Variants in CDH20 observed in about 807,000 individuals in gnomAD.
CDH20 encodes cadherin 20, also known as cadherin-20.
Under a neutral mutation model 74.2 loss-of-function variants are expected in CDH20, and 29 were observed. The ratio of observed to expected loss-of-function variants is 0.39; its 90% CI spans 0.29 to 0.53. CDH20 has a LOEUF of 0.53. CDH20 is among the 20% of genes least tolerant of loss of function. The pLI is 0.69. For synonymous variants in CDH20, 469 were observed against 405.4 expected, an observed-to-expected ratio of 1.16 and a Z score of -1.88; for missense variants, 988 against 1,048.3, an observed-to-expected ratio of 0.94 and a Z score of 0.79.
At chr18:61,407,882 T>C (rs1912381159) in intron 1 of CDH20, among the ~76,000 whole-genome samples, 2 of 152,234 alleles carry the variant, frequency 1.3e-5, no homozygotes, top group African/African-American at 4.8e-5. Context: ...GATTGTATCC[T>C]GGACCAGAAA....
At chr18:61,511,808 A>G (rs1202646473) in intron 6 of CDH20, among the ~76,000 whole-genome samples, 2 of 152,220 alleles carry the variant, frequency 1.3e-5, no homozygotes, top group Non-Finnish European at 2.9e-5. Context: ...TACTAAAACG[A>G]TATCCATGTT....
At chr18:61,510,822 T>G (rs527390647) in intron 6 of CDH20, among the ~76,000 whole-genome samples, 146 of 152,326 alleles carry the variant, frequency 9.6e-4, no homozygotes, top group Non-Finnish European at 1.5e-3. Context: ...AATAGGTGAT[T>G]AAAATAACAA....
intron 1 of CDH20, among the ~76,000 whole-genome samples, chr18:61,477,988 G>T (rs1910451986): frequency 6.6e-6 from 1 of 152,062 alleles, no homozygotes. Flanking sequence ...ATCACTTGAG[G>T]TCAGGAGTTC....
chr18:61,336,481 T>C (rs12457888), intron 1 of CDH20, among the ~76,000 whole-genome samples: 11,400 of 152,200 alleles, frequency 0.075, 591 homozygotes, highest in Middle Eastern at 0.14. Flanking sequence ...CCTGCAGCTG[T>C]TGGTGGATTT....
intron 1 of CDH20, among the ~76,000 whole-genome samples, chr18:61,342,798 A>T (rs1216328329): frequency 1.3e-5 from 2 of 152,234 alleles, no homozygotes; most frequent in African/African-American, 4.8e-5. Flanking sequence ...TAATGTAGAT[A>T]GTTCCCATGG....
At chr18:61,465,355 G>T (rs1232752951) in intron 1 of CDH20, among the ~76,000 whole-genome samples, 3 of 152,158 alleles carry the variant, frequency 2.0e-5, no homozygotes, top group Non-Finnish European at 2.9e-5. Context: ...GGATCTGATA[G>T]TTACAATTGT....
intron 1 of CDH20, among the ~76,000 whole-genome samples, chr18:61,342,218 A>T (rs567391029): frequency 1.6e-3 from 240 of 152,342 alleles, no homozygotes; most frequent in African/African-American, 5.5e-3. Context: ...AACATGTAGT[A>T]TTCAGAGGAA....
intron 1 of CDH20, among the ~76,000 whole-genome samples, chr18:61,339,171 T>C (rs1368619935): frequency 6.6e-6 from 1 of 152,110 alleles, no homozygotes; most frequent in African/African-American, 2.4e-5. Context: ...GTTTTTTTCT[T>C]AAGTTTTACC....
At chr18:61,532,269 G>A (rs1401177338) in intron 7 of CDH20, among the ~76,000 whole-genome samples, 3 of 152,138 alleles carry the variant, frequency 2.0e-5, no homozygotes, top group Admixed American at 6.5e-5. Context: ...GCTGAGCAGT[G>A]CCTGGCTTAC....
chr18:61,352,599 C>G (rs988843480), intron 1 of CDH20, among the ~76,000 whole-genome samples: 1 of 152,172 alleles, frequency 6.6e-6, no homozygotes, highest in African/African-American at 2.4e-5. Context: ...TGCCATGATA[C>G]TGTTTTACTG....
rs142200700 is a variant in CDH20 at position 61,500,348 on chromosome 18, G to T, written c.542-35G>T. 8.7e-4 allele frequency: 1,392 copies of T among 1,601,994 alleles called. 13 individuals carry two copies. In the African/African-American group the frequency reaches 0.017, roughly 20 times the overall value. ...GATTGCATCCAGCCTTTAGCTATTA[G>T]ACTTGAACAGGTTTCTACCTCTTCT... is the stretch of plus-strand genomic sequence containing the variant. On this transcript the variant is annotated intron_variant, in intron 3 of 11. Transcript: ENST00000262717.
intron 1 of CDH20, among the ~76,000 whole-genome samples, chr18:61,483,317 A>G (rs1910653156): frequency 6.6e-6 from 1 of 152,090 alleles, no homozygotes; most frequent in Admixed American, 6.5e-5. Context: ...GGCCAATTTC[A>G]AGGCATTGAG....
chr18:61,393,245 C>G (rs1218805783), intron 1 of CDH20, among the ~76,000 whole-genome samples: 1 of 152,174 alleles, frequency 6.6e-6, no homozygotes, highest in Non-Finnish European at 1.5e-5. Context: ...TTTCTCTTTT[C>G]CTAGGCTTTC....
At chr18:61,361,853 G>C (rs1171745894) in intron 1 of CDH20, among the ~76,000 whole-genome samples, 2 of 152,094 alleles carry the variant, frequency 1.3e-5, no homozygotes, top group Admixed American at 1.3e-4. Flanking sequence ...AAGAACCAAT[G>C]ATACAAGATG....
Position 61,501,673 on chromosome 18 carries a change from T to C in CDH20, c.661+1171T>C, listed in dbSNP as rs191785141. ...GAAACCAGACATTCAGAAAATTGTA[T>C]CATAAAAGTAGTAAGGGAGTGTAAA... On this transcript the variant is annotated intron_variant, in intron 4 of 11. Transcript: ENST00000262717. Among the ~76,000 whole-genome samples, 10 of 152,202 alleles carry C rather than the reference T, an allele frequency of 6.6e-5. No homozygotes were observed. In the East Asian group the frequency reaches 1.9e-3, roughly 29 times the overall value.
chr18:61,516,018 T>C (rs1911991124), intron 6 of CDH20, among the ~76,000 whole-genome samples: 1 of 151,008 alleles, frequency 6.6e-6, no homozygotes. Context: ...AAGTACAACA[T>C]GGACAGCTTT....
intron 1 of CDH20, among the ~76,000 whole-genome samples, chr18:61,413,378 C>T (rs1204173932): frequency 2.6e-5 from 4 of 152,048 alleles, no homozygotes; most frequent in African/African-American, 9.7e-5. Flanking sequence ...ACCAAAGGAT[C>T]AATAGACGTT....
At chr18:61,547,064 C>G (rs982816100) in intron 10 of CDH20, among the ~76,000 whole-genome samples, 1 of 152,154 alleles carries the variant, frequency 6.6e-6, no homozygotes, top group East Asian at 1.9e-4. Flanking sequence ...CATGGTGGCA[C>G]ACACCTGTAG....
At chr18:61,554,072 T>A in intron 11 of CDH20, 118 bp from the exon 12 acceptor site, 1 of 1,240,438 alleles carries the variant, frequency 8.1e-7, no homozygotes, top group Non-Finnish European at 1.1e-6. Flanking sequence ...AAAAGCTATC[T>A]CTGAGCCCTC....
Sources: allele counts gnomAD v4.1 joint callset (sites outside exome capture counted in the v4.1 genomes callset), GRCh38; gene constraint gnomAD v4.1.1; transcripts MANE v1.5; gene names NCBI Gene and HGNC (gene_info 2026-07-23, HGNC 2026-07-21).